The following P2RX4 variants were observed in gnomAD, a reference collection of about 807,000 sequenced individuals.
P2RX4 encodes the protein purinergic receptor P2X 4.
A neutral mutation model predicts 48.0 loss-of-function variants in P2RX4; 37 were observed. The ratio of observed to expected loss-of-function variants is 0.77; its 90% CI spans 0.59 to 1.01. The LOEUF (loss-of-function observed/expected upper bound fraction) is 1.01. Ranked by LOEUF, P2RX4 falls within the 50% of genes least tolerant of loss-of-function variation. P2RX4 has a pLI of 0.00. For synonymous variants in P2RX4, 200 were observed against 199.7 expected, an observed-to-expected ratio of 1.00 and a Z score of -0.01; for missense variants, 501 against 521.4, an observed-to-expected ratio of 0.96 and a Z score of 0.38.
chr12:121,222,006 C>T (rs201227392), intron 3 of P2RX4, 22 bp downstream of exon 3: 25 of 1,609,698 alleles, frequency 1.6e-5, no homozygotes, highest in Non-Finnish European at 2.0e-5. Context: ...CCGGGAAGAG[C>T]CCCAGGCCCC....
chr12:121,215,236 C>T (rs1486550433), intron 1 of P2RX4: 1 of 152,142 alleles, frequency 6.6e-6, no homozygotes, highest in Non-Finnish European at 1.5e-5. Flanking sequence ...TTGTTGTAAA[C>T]ATTTGACCTA....
Position 121,232,339 on chromosome 12 carries a change from C to G in P2RX4, c.885-75C>G. On this transcript the variant is annotated intron_variant, in intron 8 of 11. Coordinates refer to ENST00000337233, the MANE Select transcript of P2RX4 (RefSeq NM_002560.3). The surrounding 1 kb of genome is among the most constrained non-coding windows in gnomAD (Gnocchi z 4.3). ...GTGGACCATTCACCTGTGCCAGCTC[C>G]ACTCTAACGTTCTCTCACAGGGCCC... 9.8e-7 allele frequency: 1 copy of G among 1,025,080 alleles called. No homozygotes were observed. The highest frequency in any genetic ancestry group is 1.5e-6 in the Non-Finnish European group (1 of 650,634). 63.5% of individuals were successfully genotyped at this position (1,025,080 alleles called of 1,614,324 possible).
Position 121,229,971 on chromosome 12 carries a change from C to T in P2RX4, c.884+872C>T, listed in dbSNP as rs563173711. Among the ~76,000 whole-genome samples, 27 of 152,332 alleles carry T rather than the reference C, an allele frequency of 1.8e-4. No homozygotes were observed. Among genetic ancestry groups the T allele is most frequent in the African/African-American group, 6.3e-4 (26 of 41,572 alleles). On this transcript the variant is annotated intron_variant, in intron 8 of 11. Coordinates refer to ENST00000337233, the MANE Select transcript of P2RX4 (RefSeq NM_002560.3). This position sits in a 1 kb window ranked among gnomAD's most constrained non-coding sequence, Gnocchi z 4.6. ...AATATCCCATTTCCAAATAAGGTCA[C>T]ACTCCCAAGCTTCAGGTAGATGTGA...
chr12:121,211,812 T>C (rs529214861), intron 1 of P2RX4, among the ~76,000 whole-genome samples: 1 of 152,260 alleles, frequency 6.6e-6, no homozygotes, highest in South Asian at 2.1e-4. Context: ...GTAGCTGGGA[T>C]TACAGGCACC....
intron 5 of P2RX4, 78 bp from the exon 6 acceptor site, chr12:121,228,455 G>GTATATA (rs373631347): frequency 1.2e-5 from 8 of 659,800 alleles, no homozygotes; most frequent in African/African-American, 9.5e-5. Flanking sequence ...ATATATGTGT[G>GTATATA]TATATATATA....
intron 3 of P2RX4, 39 bp from the exon 4 acceptor site, chr12:121,222,055 G>C: frequency 6.2e-7 from 1 of 1,600,224 alleles, no homozygotes; most frequent in Non-Finnish European, 8.6e-7. Flanking sequence ...GTGTGGGGCC[G>C]GGCCACGTGG....
At position 121,217,290 on chromosome 12, in the gene P2RX4, C is replaced by T. The variant is rs1236104249; in HGVS notation, c.282+9C>T. 1.2e-6 allele frequency: 2 copies of T among 1,613,496 alleles called. No individual in the cohort carries two copies. The highest frequency in any genetic ancestry group is 2.2e-5 in the South Asian group (2 of 91,048). The stretch of plus-strand genomic sequence containing the variant: ...ATGTGATACCAGCTCAGGTGTGTCT[C>T]CCACTGTGTCTTCTGTCTAACACTG... On this transcript the variant is annotated intron_variant, in intron 2 of 11. Transcript: ENST00000337233.
intron 8 of P2RX4, among the ~76,000 whole-genome samples, chr12:121,231,336 G>A (rs1358475415): frequency 8.5e-5 from 13 of 152,086 alleles, no homozygotes; most frequent in African/African-American, 2.4e-4. Flanking sequence ...ATGCCATACC[G>A]TTCACACATT....
Position 121,232,535 on chromosome 12 carries a change from G to A in P2RX4, c.978+28G>A, listed in dbSNP as rs373554747. The A allele has an allele frequency of 8.1e-4, 1,299 of 1,607,034 alleles. 1 individual carries two copies. The highest frequency in any genetic ancestry group is 1.5e-3 in the South Asian group (135 of 90,940). On this transcript the variant is annotated intron_variant, in intron 9 of 11. Transcript: ENST00000337233. The surrounding 1 kb of genome is among the most constrained non-coding windows in gnomAD (Gnocchi z 4.3). ...AGCTCGCCGCCACTGGCTCCCCTCC[G>A]TCACTCCCTGCAGGGACAAGGGGCC...
chr12:121,231,618 C>T (rs1566012102), intron 8 of P2RX4, among the ~76,000 whole-genome samples: 1 of 152,136 alleles, frequency 6.6e-6, no homozygotes, highest in African/African-American at 2.4e-5. Flanking sequence ...GTCAGTACCT[C>T]GTCTCTTTTT....
At position 121,223,027 on chromosome 12, in the gene P2RX4, GACAC is replaced by G; in HGVS notation, c.513_516del (p.His172CysfsTer7). The G allele has an allele frequency of 1.2e-6, 2 of 1,609,878 alleles. No homozygotes were observed. The highest frequency in any genetic ancestry group is 1.7e-6 in the Non-Finnish European group (2 of 1,176,164). Reference sequence around the variant, plus strand: ...GGCGGCCTGGTGCCCGGTGGAGGATGACACACACGTGCCACAGTGAGTCCAGCCC... The same window carrying G: ...GGCGGCCTGGTGCCCGGTGGAGGATGACACGTGCCACAGTGAGTCCAGCCC... On this transcript the variant is annotated frameshift_variant, in exon 5 of 12. Coordinates refer to ENST00000337233, the MANE Select transcript of P2RX4 (RefSeq NM_002560.3). LOFTEE classifies it high-confidence loss of function.
intron 8 of P2RX4, among the ~76,000 whole-genome samples, chr12:121,231,176 A>G (rs553405726): frequency 6.6e-6 from 1 of 151,666 alleles, no homozygotes; most frequent in East Asian, 1.9e-4. Flanking sequence ...TTTATTAGAG[A>G]CGGGGTTTCT....
At position 121,228,843 on chromosome 12, in the gene P2RX4, A is replaced by G. The variant is rs25644; in HGVS notation, c.724A>G (p.Ser242Gly). 208,581 of 1,613,984 alleles carry G rather than the reference A, an allele frequency of 0.13. 15,283 individuals are homozygous for G. The highest frequency in any genetic ancestry group is 0.29 in the Admixed American group (17,566 of 59,990). ...CAAAATAGTGGAGAACGCAGGACAC[A>G]GTTTCCAGGACATGGCCGTGGAGGT... ...LGKIVENAGH[S>G]FQDMAVEGGI... The change falls in exon 7 of 12, where the codon AGT (serine) becomes GGT (glycine). Residue 242 changes from serine to glycine, a missense_variant. Ser to Gly is a moderately conservative substitution (Grantham distance 56). Around this residue, in one of 3 missense-constraint regions of P2RX4, gnomAD observed 197 missense variants for 219.5 expected, o/e 0.90. Transcript: ENST00000337233.
chr12:121,229,660 C>A lies in P2RX4; in HGVS notation c.884+561C>A, dbSNP rs1242222610. ...TTGCAACTACAGGACTTGATTCTCT[C>A]ACAGTTCTCACAGTTCTAGAGGCCA... On this transcript the variant is annotated intron_variant, in intron 8 of 11. Coordinates refer to ENST00000337233, the MANE Select transcript of P2RX4 (RefSeq NM_002560.3). The surrounding 1 kb of genome is among the most constrained non-coding windows in gnomAD (Gnocchi z 4.6). 2.0e-5 allele frequency among the ~76,000 whole-genome samples: 3 copies of A among 152,148 alleles called. No homozygotes were observed. The highest frequency in any genetic ancestry group is 4.4e-5 in the Non-Finnish European group (3 of 68,038).
chr12:121,233,559 C>G lies in P2RX4; in HGVS notation c.*10C>G. 2 of 1,607,876 alleles carry G rather than the reference C, an allele frequency of 1.2e-6. No individual in the cohort carries two copies. Among genetic ancestry groups the G allele is most frequent in the Non-Finnish European group, 1.7e-6 (2 of 1,176,832 alleles). ...TGAGCTGGACCAGTGAGGCCTACCC[C>G]ACACCTGGGCTCTCCACAGCCCCAT... On this transcript the variant is annotated 3_prime_UTR_variant, in exon 12 of 12. Coordinates refer to ENST00000337233, the MANE Select transcript of P2RX4 (RefSeq NM_002560.3).
intron 1 of P2RX4, 102 bp downstream of exon 1, chr12:121,210,400 G>C: frequency 8.5e-7 from 1 of 1,177,620 alleles, no homozygotes; most frequent in African/African-American, 1.6e-5. Flanking sequence ...GTCCGGGAGC[G>C]GCGAGCCGAG....
rs1703805626 is a variant in P2RX4, at chr12:121,232,844, A to AC, written c.1045-147dup. The AC allele has an allele frequency of 1.2e-6, 1 of 852,198 alleles. No homozygotes were observed. The highest frequency in any genetic ancestry group is 2.0e-6 in the Non-Finnish European group (1 of 500,946). 52.8% of individuals were successfully genotyped at this position (852,198 alleles called of 1,614,324 possible). On this transcript the variant is annotated intron_variant, in intron 10 of 11. Coordinates refer to ENST00000337233, the MANE Select transcript of P2RX4 (RefSeq NM_002560.3). The surrounding 1 kb of genome is among the most constrained non-coding windows in gnomAD (Gnocchi z 4.3). The stretch of plus-strand genomic sequence containing the variant: ...CTCCCACCTTCCCTTCTCCAAGACC[A>AC]CCCCCCTCAGGTCCCAGCCTTCTCC...
intron 1 of P2RX4, chr12:121,216,757 T>G (rs1447332695): frequency 1.9e-6 from 1 of 516,714 alleles, no homozygotes; most frequent in African/African-American, 1.9e-5. Flanking sequence ...GAGGCGGAGG[T>G]TGCAGTGAGC....
intron 1 of P2RX4, among the ~76,000 whole-genome samples, chr12:121,212,489 ATTTTTTTT>A: frequency 7.4e-6 from 1 of 135,328 alleles, no homozygotes; most frequent in East Asian, 2.1e-4. Context: ...AAAAAAAAGA[ATTTTTTTT>A]TTTTTTTTTT....
Sources: allele counts gnomAD v4.1 joint callset (sites outside exome capture counted in the v4.1 genomes callset), GRCh38; gene constraint gnomAD v4.1.1; regional missense constraint gnomAD v4.1.1; non-coding constraint Gnocchi (gnomAD v3.1); transcripts MANE v1.5; gene names NCBI Gene and HGNC (gene_info 2026-07-23, HGNC 2026-07-21).